ERI3: variants seen among roughly 807,000 people sequenced by gnomAD.
ERI3 encodes the protein ERI1 exoribonuclease 3.
A neutral mutation model predicts 44.4 loss-of-function variants in ERI3; 18 were observed. The ratio of observed to expected loss-of-function variants is 0.41; its 90% CI spans 0.28 to 0.60. The LOEUF (loss-of-function observed/expected upper bound fraction) is 0.60, where lower values mean the gene tolerates loss of function less well. ERI3 is among the 20% of genes least tolerant of loss of function. The pLI is 0.36. For synonymous variants in ERI3, 183 were observed against 164.8 expected, an observed-to-expected ratio of 1.11 and a Z score of -0.84; for missense variants, 294 against 435.5, an observed-to-expected ratio of 0.68 and a Z score of 2.89.
At chr1:44,338,919 A>C in intron 3 of ERI3, 126 bp downstream of exon 3, 2 of 1,170,472 alleles carry the variant, frequency 1.7e-6, no homozygotes, top group Non-Finnish European at 2.5e-6. Flanking sequence ...CCTAGACAGG[A>C]ACTCTAAATG....
chr1:44,288,600 A>C (rs1345738991), intron 6 of ERI3, among the ~76,000 whole-genome samples: 1 of 152,198 alleles, frequency 6.6e-6, no homozygotes, highest in African/African-American at 2.4e-5. Flanking sequence ...AGAGAAGAAA[A>C]GGATTTGCTC....
intron 3 of ERI3, among the ~76,000 whole-genome samples, chr1:44,328,701 C>A (rs1032866580): frequency 2.6e-5 from 4 of 152,204 alleles, no homozygotes. Flanking sequence ...GGTTCTCAGA[C>A]CACAATTTAA....
intron 6 of ERI3, among the ~76,000 whole-genome samples, chr1:44,291,904 G>A (rs973526027): frequency 6.6e-6 from 1 of 150,950 alleles, no homozygotes; most frequent in African/African-American, 2.4e-5. Context: ...CCCTGATGGT[G>A]GGGCATGCGG....
At chr1:44,307,597 C>T (rs1164061001) in intron 6 of ERI3, among the ~76,000 whole-genome samples, 1 of 152,174 alleles carries the variant, frequency 6.6e-6, no homozygotes, top group Non-Finnish European at 1.5e-5. Context: ...ACAAGATGCA[C>T]AAGTGTCAAC....
intron 3 of ERI3, among the ~76,000 whole-genome samples, chr1:44,327,309 A>C (rs1646336845): frequency 6.6e-6 from 1 of 152,190 alleles, no homozygotes; most frequent in Non-Finnish European, 1.5e-5. Flanking sequence ...AGAGGGCCTG[A>C]TCTCTCTGTG....
intron 8 of ERI3, among the ~76,000 whole-genome samples, chr1:44,226,130 A>C (rs1406727959): frequency 6.6e-6 from 1 of 152,060 alleles, no homozygotes. Flanking sequence ...GGGGTGAGGA[A>C]GGTGTTCAAT....
At chr1:44,267,882 A>G (rs1645019399) in intron 7 of ERI3, among the ~76,000 whole-genome samples, 1 of 152,154 alleles carries the variant, frequency 6.6e-6, no homozygotes, top group African/African-American at 2.4e-5. Context: ...CCTCTTTTCC[A>G]AGTAGGGCAA....
intron 7 of ERI3, among the ~76,000 whole-genome samples, chr1:44,269,328 T>C (rs1198699312): frequency 6.6e-6 from 1 of 152,158 alleles, no homozygotes; most frequent in African/African-American, 2.4e-5. Flanking sequence ...GTCTTTAGTT[T>C]CTAGCGTCAA....
intron 1 of ERI3, chr1:44,353,544 T>G: frequency 1.0e-6 from 1 of 985,462 alleles, no homozygotes; most frequent in Non-Finnish European, 1.2e-6. Context: ...GGGTTGGAAC[T>G]AATATATTCC....
At chr1:44,270,874 G>A (rs1645075864) in intron 7 of ERI3, among the ~76,000 whole-genome samples, 1 of 152,252 alleles carries the variant, frequency 6.6e-6, no homozygotes, top group African/African-American at 2.4e-5. Flanking sequence ...AGGCAGGCTA[G>A]CTCTCCAGCT....
intron 7 of ERI3, among the ~76,000 whole-genome samples, chr1:44,259,689 G>GACACACACACACACACACACACACACAC (rs58901342): frequency 5.0e-5 from 7 of 140,282 alleles, no homozygotes; most frequent in African/African-American, 1.9e-4. Flanking sequence ...AAAACACACA[G>GACACACACACACACACACACACACACAC]ACACACACAC....
intron 1 of ERI3, 64 bp downstream of exon 1, chr1:44,354,828 C>T: frequency 4.6e-6 from 6 of 1,310,632 alleles, no homozygotes; most frequent in East Asian, 5.6e-5. Context: ...CTGCGCACCG[C>T]GACCCTCACC....
chr1:44,278,676 A>C lies in ERI3; in HGVS notation c.831+6159T>G, dbSNP rs541862877. On this transcript the variant is annotated intron_variant, in intron 7 of 8. Transcript: ENST00000372257. ...CTGTGGCACAATCTCAGCTCACTGCAACCTCCATTGCCTCCCGGGTTCAAG... is the reference window on the plus strand; with the variant it reads ...CTGTGGCACAATCTCAGCTCACTGCCACCTCCATTGCCTCCCGGGTTCAAG... 1.8e-3 allele frequency among the ~76,000 whole-genome samples: 270 copies of C among 152,268 alleles called. 3 individuals carry two copies. Among genetic ancestry groups the C allele is most frequent in the Non-Finnish European group, 3.5e-3 (237 of 68,032 alleles).
chr1:44,341,331 A>G (rs993513493), intron 2 of ERI3, among the ~76,000 whole-genome samples: 1 of 152,246 alleles, frequency 6.6e-6, no homozygotes, highest in African/African-American at 2.4e-5. Flanking sequence ...TGCCTGGCAT[A>G]TAACAGCCTA....
intron 4 of ERI3, among the ~76,000 whole-genome samples, chr1:44,314,549 A>C (rs1425156525): frequency 2.0e-5 from 3 of 152,204 alleles, no homozygotes; most frequent in Non-Finnish European, 4.4e-5. Context: ...AACCCACAGC[A>C]TGCCCACCCG....
chr1:44,340,219 T>C (rs1381402429), intron 2 of ERI3, among the ~76,000 whole-genome samples: 2 of 151,152 alleles, frequency 1.3e-5, no homozygotes, highest in African/African-American at 4.9e-5. Context: ...GAATGCCTGC[T>C]CCTCAGAGGC....
chr1:44,339,117 A>C lies in ERI3; in HGVS notation c.417T>G (p.Pro139=). The C allele has an allele frequency of 6.2e-7, 1 of 1,613,936 alleles. No homozygotes were observed. The highest frequency in any genetic ancestry group is 8.5e-7 in the Non-Finnish European group (1 of 1,179,976). The change falls in exon 3 of 9, where the codon CCT becomes CCG. Residue 139 remains proline, a synonymous_variant. Transcript: ENST00000372257. Reference sequence around the variant, plus strand: ...CTAAAAAGTAGTGATACCTCTGGGGAGGGAAGGACACCATTGCCGCCATGG... The same window carrying C: ...CTAAAAAGTAGTGATACCTCTGGGGCGGGAAGGACACCATTGCCGCCATGG... The part of the protein sequence containing the change: ...GASMAAMVSF[P]PQRYHYFLVL...
At chr1:44,270,226 T>G (rs1238487645) in intron 7 of ERI3, among the ~76,000 whole-genome samples, 1 of 152,170 alleles carries the variant, frequency 6.6e-6, no homozygotes, top group Non-Finnish European at 1.5e-5. Flanking sequence ...ACTCAATAGA[T>G]AAGTTCATCT....
At chr1:44,325,232 C>T (rs1275075690) in intron 3 of ERI3, among the ~76,000 whole-genome samples, 1 of 151,834 alleles carries the variant, frequency 6.6e-6, no homozygotes, top group Non-Finnish European at 1.5e-5. Flanking sequence ...CACCCGTGAC[C>T]ACACCCGGCT....
Sources: allele counts gnomAD v4.1 joint callset (sites outside exome capture counted in the v4.1 genomes callset), GRCh38; gene constraint gnomAD v4.1.1; transcripts MANE v1.5; gene names NCBI Gene and HGNC (gene_info 2026-07-23, HGNC 2026-07-21).